SLC1A4: variants seen among roughly 807,000 people sequenced by gnomAD.
The protein encoded by SLC1A4 is neutral amino acid transporter A.
SLC1A4 carries 19 observed loss-of-function variants against 37.7 expected under a neutral mutation model. The ratio of observed to expected loss-of-function variants is 0.50; its 90% confidence interval spans 0.35 to 0.74. SLC1A4 has a LOEUF of 0.74. Ranked by LOEUF, SLC1A4 falls within the 30% of genes least tolerant of loss-of-function variation. The probability of loss-of-function intolerance (pLI) is 0.01; values close to 1 mark genes in which losing one functional copy is unlikely to be tolerated. For missense variants in SLC1A4, 570 were observed against 712.9 expected (o/e 0.80, Z 2.28); for synonymous variants, 299 against 309.8 (o/e 0.97, Z 0.37).
intron 3 of SLC1A4, among the ~76,000 whole-genome samples, chr2:65,006,508 GA>G: frequency 6.6e-6 from 1 of 151,980 alleles, no homozygotes. Flanking sequence ...ATAAATAAAA[GA>G]AAAAAAGAAA....
intron 2 of SLC1A4, among the ~76,000 whole-genome samples, chr2:65,001,806 C>T (rs1312904761): frequency 1.3e-5 from 2 of 152,076 alleles, no homozygotes; most frequent in Non-Finnish European, 2.9e-5. Context: ...AAAAAATACA[C>T]TTTTATCTTT....
chr2:64,998,232 G>A (rs566985715), intron 1 of SLC1A4, among the ~76,000 whole-genome samples: 11 of 137,952 alleles, frequency 8.0e-5, no homozygotes, highest in African/African-American at 2.8e-4. Flanking sequence ...GCGAGACTCC[G>A]TCTCAGAAAA....
In SLC1A4 at chr2:65,021,089, C is replaced by A. The variant is rs757797401; in HGVS notation, c.1542C>A (p.Asn514Lys). 1.9e-6 allele frequency: 3 copies of A among 1,614,124 alleles called. No individual in the cohort carries two copies. The highest frequency in any genetic ancestry group is 2.5e-6 in the Non-Finnish European group (3 of 1,180,048). The change falls in exon 8 of 8, where the codon AAC becomes AAA. Residue 514 changes from asparagine to lysine, a missense_variant. By Grantham distance (94) the Asn-to-Lys change is moderately conservative. Coordinates refer to ENST00000234256, the MANE Select transcript of SLC1A4 (RefSeq NM_003038.5). ...CATCGCCCCTGGTGACACACCAGAACCCCGCTGGCCCCGTGGCCAGTGCCC... is the reference window on the plus strand; with the variant it reads ...CATCGCCCCTGGTGACACACCAGAAACCCGCTGGCCCCGTGGCCAGTGCCC... ...EETSPLVTHQ[N>K]PAGPVASAPE...
intron 5 of SLC1A4, among the ~76,000 whole-genome samples, chr2:65,017,360 A>AAAC (rs1234738384): frequency 1.3e-5 from 2 of 152,088 alleles, no homozygotes; most frequent in Non-Finnish European, 2.9e-5. Context: ...AAAAAAAAAA[A>AAAC]AACACTGGGT....
At chr2:64,990,326 G>A (rs1037028668) in intron 1 of SLC1A4, among the ~76,000 whole-genome samples, 156 bp downstream of exon 1, 1 of 152,170 alleles carries the variant, frequency 6.6e-6, no homozygotes, top group Non-Finnish European at 1.5e-5. Flanking sequence ...ATGACGTCTG[G>A]AGTTTTTGCG....
chr2:65,016,089 C>G (rs545858258), intron 4 of SLC1A4, among the ~76,000 whole-genome samples: 15 of 152,226 alleles, frequency 9.9e-5, no homozygotes, highest in Non-Finnish European at 1.8e-4. Context: ...AGCCAAAAGT[C>G]AGGCTTACAG....
Position 65,023,646 on chromosome 2 carries a change from A to G in SLC1A4, c.*2500A>G, listed in dbSNP as rs902412970. On this transcript the variant is annotated 3_prime_UTR_variant, in exon 8 of 8. Coordinates refer to ENST00000234256, the MANE Select transcript of SLC1A4 (RefSeq NM_003038.5). ...GGCGAGAAGAGAGAATGTGCTGTCT[A>G]TCTTCCTGGTTTTCAGTCCACAGAG... 1 of 152,610 alleles carries G rather than the reference A, an allele frequency of 6.6e-6. No individual in the cohort carries two copies. The highest frequency in any genetic ancestry group is 2.4e-5 in the African/African-American group (1 of 41,442). The allele number at this position is 152,610 out of a possible 1,614,324, so 9.5% of individuals were successfully genotyped here.
At chr2:65,016,790 A>T (rs1219247530) in intron 5 of SLC1A4, 117 bp downstream of exon 5, 4 of 705,840 alleles carry the variant, frequency 5.7e-6, no homozygotes, top group Admixed American at 5.3e-5. Flanking sequence ...GAAAACTCTA[A>T]ATCGGTCTTC....
chr2:64,989,864 A>G lies in SLC1A4; in HGVS notation c.221A>G (p.Tyr74Cys), dbSNP rs372707759. The G allele has an allele frequency of 7.8e-5, 120 of 1,540,860 alleles. No individual in the cohort carries two copies. The highest frequency in any genetic ancestry group is 9.8e-5 in the Admixed American group (5 of 51,280). The change falls in exon 1 of 8, where the codon TAC becomes TGC. Residue 74 changes from tyrosine (Y) to cysteine (C), a missense_variant. Coordinates refer to ENST00000234256, the MANE Select transcript of SLC1A4 (RefSeq NM_003038.5). ...AGCCTGAGCCGCACGCAGGTCACCTACCTGGCCTTCCCCGGCGAGATGCTG... is the reference window on the plus strand; with the variant it reads ...AGCCTGAGCCGCACGCAGGTCACCTGCCTGGCCTTCCCCGGCGAGATGCTG... ...GLSLSRTQVTYLAFPGEMLLR... is the reference protein window; with the variant it reads ...GLSLSRTQVTCLAFPGEMLLR...
At chr2:64,998,168 C>T (rs762039230) in intron 1 of SLC1A4, among the ~76,000 whole-genome samples, 1 of 152,042 alleles carries the variant, frequency 6.6e-6, no homozygotes, top group Non-Finnish European at 1.5e-5. Context: ...ACCTCGGAGG[C>T]GGAGCTTTCA....
At chr2:64,997,039 A>G (rs898982838) in intron 1 of SLC1A4, among the ~76,000 whole-genome samples, 4 of 152,118 alleles carry the variant, frequency 2.6e-5, no homozygotes, top group African/African-American at 9.7e-5. Flanking sequence ...GGACAGAGAA[A>G]CATGTTGCTT....
At position 64,990,137 on chromosome 2, in the gene SLC1A4, A is replaced by T. The variant is rs760293048; in HGVS notation, c.494A>T (p.Lys165Ile). ...LEDSGPPPVP[K>I]ETVDSFLDLA... ...GACTCGGGGCCTCCTCCTGTCCCCA[A>T]AGAGACGGTGGACTCTTTCCTCGAC... Residue 165 changes from lysine to isoleucine, a missense_variant, in exon 1 of 8, where the codon AAA becomes ATA. Lys to Ile is a moderately radical substitution (Grantham distance 102, BLOSUM62 -3). Transcript: ENST00000234256. 1.2e-6 allele frequency: 2 copies of T among 1,610,554 alleles called. No individual in the cohort carries two copies. Among genetic ancestry groups the T allele is most frequent in the Non-Finnish European group, 1.7e-6 (2 of 1,178,314 alleles).
chr2:64,989,353 T>G (rs7569840), upstream of SLC1A4: 2 of 287,614 alleles, frequency 7.0e-6, no homozygotes, highest in African/African-American at 2.2e-5. Context: ...TGGCGCGCCC[T>G]CCTACTTCCC....
At chr2:65,016,409 C>A in intron 4 of SLC1A4, 31 bp from the exon 5 acceptor site, 1 of 1,554,060 alleles carries the variant, frequency 6.4e-7, no homozygotes, top group Non-Finnish European at 8.9e-7. Flanking sequence ...CTTTATCCCC[C>A]ACTGATGAGT....
chr2:65,018,456 C>T lies in SLC1A4; in HGVS notation c.1230-89C>T. 1.3e-6 allele frequency: 2 copies of T among 1,551,280 alleles called. No homozygotes were observed. Among genetic ancestry groups the T allele is most frequent in the East Asian group, 2.3e-5 (1 of 44,210 alleles). ...CCTATGGTGGGGCGGTTTTTAGTTT[C>T]CAGCCACATTGCAGCTGCATGGTCT... On this transcript the variant is annotated intron_variant, in intron 6 of 7. Coordinates refer to ENST00000234256, the MANE Select transcript of SLC1A4 (RefSeq NM_003038.5). The surrounding 1 kb of genome is among the most constrained non-coding windows in gnomAD (Gnocchi z 4.3).
At chr2:64,990,321 G>C (rs914103570) in intron 1 of SLC1A4, 151 bp downstream of exon 1, 4 of 844,104 alleles carry the variant, frequency 4.7e-6, no homozygotes, top group Non-Finnish European at 1.8e-6. Flanking sequence ...TCAAAATGAC[G>C]TCTGGAGTTT....
At chr2:64,996,586 CACATGTAGCTATTTAAAATT>C (rs1468702469) in intron 1 of SLC1A4, among the ~76,000 whole-genome samples, 2 of 152,174 alleles carry the variant, frequency 1.3e-5, no homozygotes, top group Admixed American at 6.5e-5. Context: ...AGACACTAGC[CACATGTAGCTATTTAAAATT>C]ACTTCAAATG....
In SLC1A4 at chr2:65,018,975, C is replaced by T. The variant is rs1196666259; in HGVS notation, c.1364+296C>T. On this transcript the variant is annotated intron_variant, in intron 7 of 7. Coordinates refer to ENST00000234256, the MANE Select transcript of SLC1A4 (RefSeq NM_003038.5). The surrounding 1 kb of genome is among the most constrained non-coding windows in gnomAD (Gnocchi z 4.3). ...GCCCTCAGCGCAGGCCCAAGGGACACGAGGGTCTATGGAGTTGCTGACTGC... is the reference window on the plus strand; with the variant it reads ...GCCCTCAGCGCAGGCCCAAGGGACATGAGGGTCTATGGAGTTGCTGACTGC... 6.6e-6 allele frequency among the ~76,000 whole-genome samples: 1 copy of T among 152,174 alleles called. No homozygotes were observed. Among genetic ancestry groups the T allele is most frequent in the Non-Finnish European group, 1.5e-5 (1 of 68,036 alleles).
intron 4 of SLC1A4, among the ~76,000 whole-genome samples, chr2:65,015,436 A>G (rs1674084015): frequency 6.6e-6 from 1 of 150,810 alleles, no homozygotes; most frequent in South Asian, 2.1e-4. Context: ...CATAGATTTA[A>G]ATACATACCT....
Sources: gnomAD v4.1 joint callset for allele counts (sites outside exome capture counted in the v4.1 genomes callset) on GRCh38, gnomAD v4.1.1 for gene constraint, Gnocchi (gnomAD v3.1) non-coding constraint, MANE v1.5 for transcripts, NCBI Gene and HGNC (gene_info 2026-07-23, HGNC 2026-07-21) for gene names.